The following DMD variants were observed in gnomAD, a reference collection of about 807,000 sequenced individuals.
DMD encodes the protein dystrophin.
Under a neutral mutation model 330.1 loss-of-function variants are expected in DMD, and 63 were observed. The ratio of observed to expected loss-of-function variants is 0.19; its 90% CI spans 0.16 to 0.24. DMD has a LOEUF of 0.24. DMD is among the 10% of genes least tolerant of loss of function. DMD has a pLI of 1.00. For missense variants in DMD, 3,344 were observed against 2,684.1 expected, an observed-to-expected ratio of 1.25 and a Z score of -5.43; for synonymous variants, 1,223 against 959.8, an observed-to-expected ratio of 1.27 and a Z score of -5.07.
chrX:32,592,080 A>G (rs1241355516), intron 13 of DMD, among the ~76,000 whole-genome samples: 4 of 111,039 alleles, frequency 3.6e-5, no homozygotes, highest in Non-Finnish European at 7.6e-5. Flanking sequence ...GCCTGCAGGT[A>G]CCCCTTGGTA....
At chrX:32,888,889 AAATTCTCAAGTCCAGGCACGGAAAATTAT>A (rs2149248162) in intron 2 of DMD, among the ~76,000 whole-genome samples, 1 of 111,798 alleles carries the variant, frequency 8.9e-6, no homozygotes, top group South Asian at 3.8e-4. Flanking sequence ...TGGAGTTTTC[AAATTCTCAAGTCCAGGCACGGAAAATTAT>A]AATTTTTTTT....
intron 44 of DMD, among the ~76,000 whole-genome samples, chrX:32,211,413 GT>G (rs1181388678): frequency 4.5e-5 from 5 of 111,888 alleles, no homozygotes; most frequent in Non-Finnish European, 9.4e-5. Flanking sequence ...AAAGTAAACA[GT>G]TTTTTATTAC....
chrX:32,390,026 A>G (rs2097990045), intron 31 of DMD, 45 bp downstream of exon 31: 1 of 1,012,138 alleles, frequency 9.9e-7, no homozygotes, highest in African/African-American at 1.9e-5. Flanking sequence ...CTGGAGTATA[A>G]TGCCCAACGA....
At chrX:31,569,599 CAT>C (rs2075654056) in intron 55 of DMD, among the ~76,000 whole-genome samples, 1 of 79,147 alleles carries the variant, frequency 1.3e-5, no homozygotes, top group Non-Finnish European at 2.6e-5. Flanking sequence ...TATATATACA[CAT>C]ATATGTATAT....
chrX:31,239,800 T>G (rs2048071132), intron 63 of DMD, among the ~76,000 whole-genome samples: 1 of 111,779 alleles, frequency 8.9e-6, no homozygotes. Flanking sequence ...ACATATAAAG[T>G]CATAGTGTTG....
At chrX:33,321,084 G>A (rs1208167419) in intron 1 of DMD, among the ~76,000 whole-genome samples, 3 of 111,118 alleles carry the variant, frequency 2.7e-5, no homozygotes, top group Admixed American at 1.9e-4. Flanking sequence ...TCATCCATGA[G>A]GGTTGAAATC....
rs564355786 is a variant in DMD at position 33,331,970 on chromosome X, T to G, written c.7+7289A>C. Among the ~76,000 whole-genome samples, 16 of 111,784 alleles carry G rather than the reference T, an allele frequency of 1.4e-4. No individual in the cohort carries two copies. In the South Asian group the frequency reaches 5.5e-3, roughly 38 times the overall value. On this transcript the variant is annotated intron_variant, in intron 1 of 17. Transcript: ENST00000288447. ...TCTTGTTTTATTCAGATGTCACATTTTATATTGCAATTAGTATCTATAGGT... is the reference window on the plus strand; with the variant it reads ...TCTTGTTTTATTCAGATGTCACATTGTATATTGCAATTAGTATCTATAGGT...
At chrX:33,066,709 C>T (rs1261174638) in intron 1 of DMD, among the ~76,000 whole-genome samples, 1 of 110,684 alleles carries the variant, frequency 9.0e-6, no homozygotes, top group Non-Finnish European at 1.9e-5. Context: ...GGTTTATGTA[C>T]GGGCATAGTG....
At position 32,910,373 on chromosome X, in the gene DMD, CTG is replaced by C. The variant is rs2087117564; in HGVS notation, c.94-60555_94-60554del. 3.6e-5 allele frequency among the ~76,000 whole-genome samples: 4 copies of C among 111,640 alleles called. No homozygotes were observed. The South Asian group carries it at 1.5e-3, about 42-fold the overall frequency. ...TTAGAATTATGATGTGAAGATATGA[CTG>C]TGGAAGGATTGATCCCAGGTACATG... On this transcript the variant is annotated intron_variant, in intron 2 of 78. Transcript: ENST00000357033.
chrX:31,724,180 C>T (rs2085819803), intron 52 of DMD, among the ~76,000 whole-genome samples: 1 of 112,263 alleles, frequency 8.9e-6, no homozygotes, highest in African/African-American at 3.2e-5. Flanking sequence ...ATATGGTTGA[C>T]TCCACTTCTT....
chrX:33,139,868 T>TAAAAAAAAAAAAAA (rs3990971), intron 1 of DMD, among the ~76,000 whole-genome samples: 5 of 64,354 alleles, frequency 7.8e-5, no homozygotes, highest in African/African-American at 4.0e-4. Context: ...GCCCCATCGC[T>TAAAAAAAAAAAAAA]AAAAAAAAAA....
At chrX:32,060,767 C>T (rs2096217853) in intron 44 of DMD, among the ~76,000 whole-genome samples, 1 of 111,409 alleles carries the variant, frequency 9.0e-6, no homozygotes, top group African/African-American at 3.3e-5. Context: ...GTGACTAAAA[C>T]CTAGTCTTTC....
chrX:31,232,679 C>T (rs2047330972), intron 63 of DMD, among the ~76,000 whole-genome samples: 1 of 111,663 alleles, frequency 9.0e-6, no homozygotes, highest in African/African-American at 3.3e-5. Flanking sequence ...AACACCTCCC[C>T]CACTTGGAGC....
intron 9 of DMD, among the ~76,000 whole-genome samples, chrX:32,667,253 G>C (rs1481890310): frequency 9.0e-6 from 1 of 111,388 alleles, no homozygotes; most frequent in Non-Finnish European, 1.9e-5. Context: ...ACAACTTCTG[G>C]TTATTACTGG....
At chrX:32,657,102 A>C (rs972771871) in intron 9 of DMD, among the ~76,000 whole-genome samples, 1 of 108,234 alleles carries the variant, frequency 9.2e-6, no homozygotes, top group African/African-American at 3.4e-5. Flanking sequence ...TTACTTTCTA[A>C]CTTATTTTAT....
intron 50 of DMD, among the ~76,000 whole-genome samples, chrX:31,789,205 A>C (rs1390950293): frequency 9.0e-6 from 1 of 111,474 alleles, no homozygotes; most frequent in Admixed American, 9.5e-5. Flanking sequence ...TTTGCTCAGT[A>C]GTATACTTTG....
intron 37 of DMD, among the ~76,000 whole-genome samples, chrX:32,351,946 C>A (rs1269065843): frequency 9.1e-6 from 1 of 110,445 alleles, no homozygotes; most frequent in African/African-American, 3.3e-5. Context: ...TTCTTTAGTT[C>A]AATGTGTAGG....
intron 61 of DMD, among the ~76,000 whole-genome samples, chrX:31,340,959 A>C (rs761486640): frequency 8.9e-6 from 1 of 112,319 alleles, no homozygotes; most frequent in South Asian, 3.7e-4. Context: ...TATACAAACA[A>C]CTATTGAGCC....
chrX:31,798,603 A>G (rs1373568754), intron 50 of DMD, among the ~76,000 whole-genome samples: 4 of 111,447 alleles, frequency 3.6e-5, no homozygotes, highest in Non-Finnish European at 7.5e-5. Context: ...TGGACTGAGA[A>G]TCATTTGACA....
Sources: gnomAD v4.1 joint callset for allele counts (sites outside exome capture counted in the v4.1 genomes callset) on GRCh38, gnomAD v4.1.1 for gene constraint, MANE v1.5 for transcripts, NCBI Gene and HGNC (gene_info 2026-07-23, HGNC 2026-07-21) for gene names.